Variants in PDGFRL observed in about 807,000 individuals in gnomAD.
The protein encoded by PDGFRL is platelet-derived growth factor receptor-like protein.
Under a neutral mutation model 37.2 loss-of-function variants are expected in PDGFRL, and 46 were observed. The ratio of observed to expected loss-of-function variants is 1.24; its 90% CI spans 0.98 to 1.58. PDGFRL has a LOEUF of 1.58. Ranked by LOEUF, PDGFRL falls within the 40% of genes most tolerant of loss-of-function variation. The pLI is 0.00. For missense variants in PDGFRL, 692 were observed against 467.6 expected, an observed-to-expected ratio of 1.48 and a Z score of -4.43; for synonymous variants, 251 against 184.3, an observed-to-expected ratio of 1.36 and a Z score of -2.93.
intron 3 of PDGFRL, among the ~76,000 whole-genome samples, chr8:17,623,313 T>A (rs1804667655): frequency 6.6e-6 from 1 of 152,210 alleles, no homozygotes; most frequent in African/African-American, 2.4e-5. Flanking sequence ...TAATAATTGT[T>A]CATAGGCAAT....
chr8:17,597,027 TG>T (rs1360822238), intron 2 of PDGFRL, among the ~76,000 whole-genome samples: 3 of 142,914 alleles, frequency 2.1e-5, no homozygotes, highest in Non-Finnish European at 4.4e-5. Context: ...TTTTGTTTTT[TG>T]TTTTTGTTTT....
intron 3 of PDGFRL, among the ~76,000 whole-genome samples, chr8:17,625,718 T>C (rs1168635995): frequency 6.6e-6 from 1 of 152,146 alleles, no homozygotes; most frequent in Non-Finnish European, 1.5e-5. Context: ...GCTGGGAACA[T>C]TGGCTCATGC....
At chr8:17,576,846 A>G, upstream of PDGFRL, 1 of 290,616 alleles carries the variant, frequency 3.4e-6, no homozygotes, top group Non-Finnish European at 5.5e-6. Flanking sequence ...CTGCCTGAGG[A>G]GGTGGGGCGG....
chr8:17,634,906 T>C (rs1330643904), intron 5 of PDGFRL, among the ~76,000 whole-genome samples: 1 of 152,098 alleles, frequency 6.6e-6, no homozygotes, highest in Admixed American at 6.5e-5. Flanking sequence ...AAATGATCTG[T>C]CATTTCATGA....
intron 2 of PDGFRL, among the ~76,000 whole-genome samples, chr8:17,608,684 AAGAC>A (rs1019977169): frequency 1.3e-5 from 2 of 152,186 alleles, no homozygotes; most frequent in African/African-American, 4.8e-5. Context: ...GGGGGGAAAA[AAGAC>A]AGAAATAGTC....
chr8:17,592,225 C>G (rs567950532), intron 2 of PDGFRL, among the ~76,000 whole-genome samples: 7 of 152,232 alleles, frequency 4.6e-5, no homozygotes, highest in African/African-American at 1.7e-4. Flanking sequence ...TGAAAAACCA[C>G]CATTGCTTTT....
intron 5 of PDGFRL, among the ~76,000 whole-genome samples, chr8:17,640,459 C>T (rs1037079136): frequency 1.3e-5 from 2 of 152,092 alleles, no homozygotes; most frequent in Non-Finnish European, 2.9e-5. Flanking sequence ...ATTCTTTTGT[C>T]CCATGGGGTG....
intron 2 of PDGFRL, among the ~76,000 whole-genome samples, chr8:17,609,438 G>C (rs1456124960): frequency 6.6e-6 from 1 of 151,474 alleles, no homozygotes; most frequent in East Asian, 1.9e-4. Context: ...TTGCACCACT[G>C]CACTCCGACC....
At chr8:17,641,343 C>A (rs1488443950) in intron 5 of PDGFRL, among the ~76,000 whole-genome samples, 1 of 152,226 alleles carries the variant, frequency 6.6e-6, no homozygotes, top group African/African-American at 2.4e-5. Context: ...CAAAGTTCAG[C>A]TAGAAGTTTC....
chr8:17,607,179 A>G (rs546342061), intron 2 of PDGFRL, among the ~76,000 whole-genome samples: 13 of 152,182 alleles, frequency 8.5e-5, no homozygotes, highest in Non-Finnish European at 1.5e-4. Context: ...GAAACGTTTT[A>G]GACGTGTGTC....
intron 2 of PDGFRL, among the ~76,000 whole-genome samples, chr8:17,613,513 G>A (rs1585319849): frequency 6.6e-6 from 1 of 152,214 alleles, no homozygotes; most frequent in Non-Finnish European, 1.5e-5. Flanking sequence ...TGCCGGCAGG[G>A]CTGGAGGGAT....
chr8:17,579,546 TA>T lies in PDGFRL; in HGVS notation c.55+2240del, dbSNP rs1397050674. On this transcript the variant is annotated intron_variant, in intron 1 of 5. Coordinates refer to ENST00000251630, the MANE Select transcript of PDGFRL (RefSeq NM_001372073.1). ...TAAAAGACAGTCTTTATTATTATTT[TA>T]TTATTATTGTTATTATTATTATTAT... is the stretch of plus-strand genomic sequence containing the variant. Among the ~76,000 whole-genome samples the T allele has an allele frequency of 1.3e-3, 100 of 79,016 alleles. 1 individual carries two copies. Among genetic ancestry groups the T allele is most frequent in the African/African-American group, 3.2e-3 (61 of 19,362 alleles). 51.8% of individuals were successfully genotyped at this position (79,016 alleles called of 152,430 possible). A position where few individuals can be genotyped will look rare whatever the true frequency, so the allele number is the denominator to read the frequency against.
intron 1 of PDGFRL, among the ~76,000 whole-genome samples, chr8:17,580,741 C>T (rs1286560432): frequency 6.6e-6 from 1 of 152,172 alleles, no homozygotes; most frequent in Non-Finnish European, 1.5e-5. Context: ...AGTTTGTTTG[C>T]TCACAGTCCA....
chr8:17,577,346 C>G, intron 1 of PDGFRL, 39 bp downstream of exon 1: 3 of 1,571,948 alleles, frequency 1.9e-6, no homozygotes, highest in Non-Finnish European at 2.6e-6. Context: ...AGCTTGTGCC[C>G]TGACTTTAGC....
intron 3 of PDGFRL, among the ~76,000 whole-genome samples, chr8:17,623,605 G>A (rs536392970): frequency 7.5e-4 from 114 of 152,246 alleles, no homozygotes; most frequent in Non-Finnish European, 1.3e-3. Context: ...GCCAGGCATG[G>A]TAGCTCATAC....
chr8:17,633,937 A>G, intron 4 of PDGFRL, 137 bp from the exon 5 acceptor site: 1 of 874,830 alleles, frequency 1.1e-6, no homozygotes, highest in Non-Finnish European at 1.9e-6. Flanking sequence ...GTGGGCTCAC[A>G]CTGTCCTCGC....
At chr8:17,628,458 A>C (rs779299385) in intron 3 of PDGFRL, 29 bp from the exon 4 acceptor site, 1 of 1,599,090 alleles carries the variant, frequency 6.3e-7, no homozygotes, top group South Asian at 1.1e-5. Context: ...TCCGGAGTGA[A>C]TAAGCCTGTG....
chr8:17,642,745 A>G lies in PDGFRL; in HGVS notation c.1072A>G (p.Thr358Ala). The G allele has an allele frequency of 6.2e-7, 1 of 1,610,414 alleles. No homozygotes were observed. The highest frequency in any genetic ancestry group is 8.5e-7 in the Non-Finnish European group (1 of 1,176,550). Residue 358 changes from threonine (T) to alanine (A), a missense_variant, in exon 6 of 6, where the codon ACT becomes GCT. Physicochemically the swap from Thr to Ala is moderately conservative, Grantham distance 58. Coordinates refer to ENST00000251630, the MANE Select transcript of PDGFRL (RefSeq NM_001372073.1). ...GATTGATGCAGGATATTACATTTGC[A>G]CTGCTCAGAATCTTCAAGGACAGAC... ...ETIDAGYYIC[T>A]AQNLQGQTTV...
chr8:17,611,520 C>G (rs1563518712), intron 2 of PDGFRL, among the ~76,000 whole-genome samples: 1 of 152,074 alleles, frequency 6.6e-6, no homozygotes, highest in Admixed American at 6.5e-5. Flanking sequence ...CGAGTAACCA[C>G]GTTTTGGTCA....
Sources: gnomAD v4.1 joint callset for allele counts (sites outside exome capture counted in the v4.1 genomes callset) on GRCh38, gnomAD v4.1.1 for gene constraint, MANE v1.5 for transcripts, NCBI Gene and HGNC (gene_info 2026-07-23, HGNC 2026-07-21) for gene names.